JMJD1C: variants seen among roughly 807,000 people sequenced by gnomAD.
The protein encoded by JMJD1C is jumonji domain containing 1C.
JMJD1C carries 31 observed loss-of-function variants against 245.3 expected under a neutral mutation model. The observed-to-expected ratio is 0.13, with a 90% CI of 0.09 to 0.17. JMJD1C has a LOEUF of 0.17. Ranked by LOEUF, JMJD1C falls within the 10% of genes least tolerant of loss-of-function variation. The probability of loss-of-function intolerance (pLI) is 1.00; values close to 1 mark genes in which losing one functional copy is unlikely to be tolerated. For missense variants in JMJD1C, 2,691 were observed against 3,000.2 expected (o/e 0.90, Z 2.41); for synonymous variants, 1,057 against 1,017.4 (o/e 1.04, Z -0.74).
chr10:63,177,560 G>A, intron 23 of JMJD1C, 157 bp downstream of exon 23: 1 of 706,784 alleles, frequency 1.4e-6, no homozygotes, highest in East Asian at 2.8e-5. Context: ...AGAGGAGCAA[G>A]AGAAACAGGG....
At chr10:63,326,055 A>G (rs1408899362) in intron 2 of JMJD1C, among the ~76,000 whole-genome samples, 1 of 152,252 alleles carries the variant, frequency 6.6e-6, no homozygotes, top group African/African-American at 2.4e-5. Context: ...TAGTACAACT[A>G]AGAACATCTT....
Position 63,251,346 on chromosome 10 carries a change from C to T in JMJD1C, c.447+13305G>A, listed in dbSNP as rs540852953. On this transcript the variant is annotated intron_variant, in intron 3 of 25. Coordinates refer to ENST00000399262, the MANE Select transcript of JMJD1C (RefSeq NM_032776.3). ...TTGTGATTTTTTACTAAAATAAATG[C>T]ATTGCATTTATTTTAAAAATACCTT... 1.1e-3 allele frequency among the ~76,000 whole-genome samples: 163 copies of T among 152,136 alleles called. 2 individuals carry two copies. The highest frequency in any genetic ancestry group is 3.8e-3 in the African/African-American group (159 of 41,500).
intron 2 of JMJD1C, among the ~76,000 whole-genome samples, chr10:63,321,435 T>C (rs1940850860): frequency 6.6e-6 from 1 of 152,204 alleles, no homozygotes; most frequent in Non-Finnish European, 1.5e-5. Context: ...TGACGCTAGC[T>C]GTAGGTAGAC....
rs559324939 is a variant in JMJD1C, at chr10:63,427,356, C to T, written c.168+38139G>A. 45 of 1,036,246 alleles carry T rather than the reference C, an allele frequency of 4.3e-5. No individual in the cohort carries two copies. In the East Asian group the frequency reaches 1.2e-3, roughly 28 times the overall value. 64.2% of individuals were successfully genotyped at this position (1,036,246 alleles called of 1,614,324 possible). A position where few individuals can be genotyped will look rare whatever the true frequency, so the allele number is the denominator to read the frequency against. ...AGAGTTCCTGGGACCAAGTGTTCAC[C>T]GCCTTCTGGCATCAGTACCCAAATC... On this transcript the variant is annotated intron_variant, in intron 1 of 25. Coordinates refer to ENST00000399262, the MANE Select transcript of JMJD1C (RefSeq NM_032776.3).
chr10:63,382,758 T>C (rs780040187), intron 1 of JMJD1C: 52 of 455,794 alleles, frequency 1.1e-4, no homozygotes, highest in African/African-American at 4.0e-5. Flanking sequence ...TCATCACTTA[T>C]ATTTTTATCC....
At chr10:63,487,898 A>C (rs1348420386) in intron 1 of JMJD1C, among the ~76,000 whole-genome samples, 8 of 152,242 alleles carry the variant, frequency 5.3e-5, no homozygotes, top group Non-Finnish European at 5.9e-5. Flanking sequence ...GCTAGTTCAC[A>C]TTTGTTATTT....
chr10:63,248,221 G>A (rs1486780862), intron 3 of JMJD1C, among the ~76,000 whole-genome samples: 4 of 152,140 alleles, frequency 2.6e-5, no homozygotes, highest in Admixed American at 2.6e-4. Context: ...CCAGCACTTT[G>A]GGAGGCCGAG....
intron 1 of JMJD1C, among the ~76,000 whole-genome samples, chr10:63,394,205 G>T (rs1178339574): frequency 4.8e-5 from 5 of 104,474 alleles, no homozygotes; most frequent in Non-Finnish European, 8.6e-5. Flanking sequence ...AAAAAAAAAG[G>T]CTACAATAAA....
chr10:63,504,972 A>G (rs1208085524), intron 1 of JMJD1C, among the ~76,000 whole-genome samples: 2 of 151,992 alleles, frequency 1.3e-5, no homozygotes, highest in Admixed American at 6.6e-5. Flanking sequence ...TGATCATACC[A>G]CTGTACTCCA....
intron 3 of JMJD1C, among the ~76,000 whole-genome samples, chr10:63,243,628 C>A (rs1470652175): frequency 6.6e-6 from 1 of 151,980 alleles, no homozygotes; most frequent in Non-Finnish European, 1.5e-5. Context: ...CAGAAATACC[C>A]ACCTTGTACC....
intron 2 of JMJD1C, among the ~76,000 whole-genome samples, chr10:63,367,625 C>T (rs1353292702): frequency 6.6e-6 from 1 of 152,182 alleles, no homozygotes; most frequent in Non-Finnish European, 1.5e-5. Context: ...TTGCCTAAGC[C>T]AATGCTTAGA....
chr10:63,400,488 T>C lies in JMJD1C; in HGVS notation c.169-20006A>G, dbSNP rs921627667. 9.9e-5 allele frequency among the ~76,000 whole-genome samples: 15 copies of C among 152,252 alleles called. No homozygotes were observed. The East Asian group carries it at 1.2e-3, about 12-fold the overall frequency. On this transcript the variant is annotated intron_variant, in intron 1 of 25. Coordinates refer to ENST00000399262, the MANE Select transcript of JMJD1C (RefSeq NM_032776.3). Reference sequence around the variant, plus strand: ...ACTCAGTGTAGTTTGGTTCATTTTTTCCCGCTTATTTTCTAGTTCATTGAT... The same window carrying C: ...ACTCAGTGTAGTTTGGTTCATTTTTCCCCGCTTATTTTCTAGTTCATTGAT...
chr10:63,191,746 A>G (rs964979923), intron 16 of JMJD1C, among the ~76,000 whole-genome samples: 1 of 152,040 alleles, frequency 6.6e-6, no homozygotes, highest in African/African-American at 2.4e-5. Flanking sequence ...GCACTTTGAG[A>G]GGCTGAGGCA....
At chr10:63,170,607 G>T (rs373515498) in intron 24 of JMJD1C, among the ~76,000 whole-genome samples, 1 of 152,186 alleles carries the variant, frequency 6.6e-6, no homozygotes, top group Non-Finnish European at 1.5e-5. Flanking sequence ...GGTTGCTGTT[G>T]TAAGTTTTCA....
Position 63,189,307 on chromosome 10 carries a change from A to C in JMJD1C, c.6431T>G (p.Ile2144Arg). The C allele has an allele frequency of 2.5e-6, 4 of 1,613,862 alleles. No individual in the cohort carries two copies. Among genetic ancestry groups the C allele is most frequent in the Admixed American group, 1.7e-5 (1 of 60,022 alleles). ...ELKEEPEESI[I>R]SAVDENNKLY... ...TTTATTATTTTCATCCACTGCAGAT[A>C]TTATGCTTTCTTCAGGCTCTTCTTT... The change falls in exon 18 of 26, where the codon ATA (isoleucine) becomes AGA (arginine). Residue 2144 changes from isoleucine to arginine, a missense_variant. Coordinates refer to ENST00000399262, the MANE Select transcript of JMJD1C (RefSeq NM_032776.3).
At chr10:63,502,214 T>G (rs898903645) in intron 1 of JMJD1C, among the ~76,000 whole-genome samples, 3 of 152,192 alleles carry the variant, frequency 2.0e-5, no homozygotes, top group African/African-American at 4.8e-5. Context: ...ATCTCCTTTC[T>G]CCCAAGTAAG....
chr10:63,425,354 C>T (rs1442464983), intron 1 of JMJD1C, among the ~76,000 whole-genome samples: 1 of 152,072 alleles, frequency 6.6e-6, no homozygotes, highest in African/African-American at 2.4e-5. Flanking sequence ...GTAAAAAATT[C>T]AGTGGTAGTT....
At chr10:63,359,615 T>C (rs1474378793) in intron 2 of JMJD1C, among the ~76,000 whole-genome samples, 5 of 152,236 alleles carry the variant, frequency 3.3e-5, no homozygotes, top group African/African-American at 1.2e-4. Context: ...AGGAATTTTG[T>C]GGTCTCAGTA....
chr10:63,327,030 T>C (rs1396711411), intron 2 of JMJD1C, among the ~76,000 whole-genome samples: 2 of 151,742 alleles, frequency 1.3e-5, no homozygotes, highest in Non-Finnish European at 2.9e-5. Context: ...CTACAAAAAA[T>C]ACAAAAATTA....
Sources: gnomAD v4.1 joint callset for allele counts (sites outside exome capture counted in the v4.1 genomes callset) on GRCh38, gnomAD v4.1.1 for gene constraint, MANE v1.5 for transcripts, NCBI Gene and HGNC (gene_info 2026-07-23, HGNC 2026-07-21) for gene names.